Variants in SLIT1 observed in about 807,000 individuals in gnomAD.
SLIT1 encodes slit guidance ligand 1.
In SLIT1, 66 loss-of-function variants were observed where a neutral mutation model predicts 186.1. That is an observed-to-expected ratio of 0.35 (90% CI 0.29 to 0.44). SLIT1 has a LOEUF of 0.44. Ranked by LOEUF, SLIT1 falls within the 20% of genes least tolerant of loss-of-function variation. The pLI is 1.00. For missense variants in SLIT1, 1,638 were observed against 2,037.4 expected (o/e 0.80, Z 3.77); for synonymous variants, 761 against 833.8 (o/e 0.91, Z 1.50).
chr10:97,177,249 CA>C (rs1850268795), intron 1 of SLIT1, among the ~76,000 whole-genome samples: 1 of 152,190 alleles, frequency 6.6e-6, no homozygotes, highest in South Asian at 2.1e-4. Context: ...CCATCTTTTT[CA>C]CATAGATTTT....
chr10:97,173,404 A>T (rs2253228), intron 1 of SLIT1, among the ~76,000 whole-genome samples: 70,743 of 151,880 alleles, frequency 0.47, 17,571 homozygotes, highest in East Asian at 0.58. Flanking sequence ...TGAGTGGCAG[A>T]GCTGGGAAGC....
intron 13 of SLIT1, among the ~76,000 whole-genome samples, chr10:97,053,460 C>T (rs1309762710): frequency 6.6e-6 from 1 of 152,156 alleles, no homozygotes; most frequent in Non-Finnish European, 1.5e-5. Context: ...TTGTGGCTGA[C>T]ATCTCTGGTG....
chr10:97,149,923 T>C (rs1849857659), intron 4 of SLIT1, among the ~76,000 whole-genome samples: 2 of 152,140 alleles, frequency 1.3e-5, no homozygotes, highest in African/African-American at 4.8e-5. Context: ...CACATTAGCG[T>C]GTTAAATGGG....
chr10:97,167,832 C>A (rs1284433643), intron 1 of SLIT1, among the ~76,000 whole-genome samples: 1 of 152,186 alleles, frequency 6.6e-6, no homozygotes, highest in Non-Finnish European at 1.5e-5. Context: ...TTAAAAAGGG[C>A]AGTTCTCCTG....
chr10:97,030,494 G>T (rs187987873), intron 25 of SLIT1, among the ~76,000 whole-genome samples: 238 of 152,304 alleles, frequency 1.6e-3, no homozygotes, highest in Non-Finnish European at 2.5e-3. Context: ...CACATTAGCT[G>T]AGGCAGGCGA....
intron 4 of SLIT1, among the ~76,000 whole-genome samples, chr10:97,141,713 T>C (rs1289673338): frequency 2.4e-5 from 3 of 127,396 alleles, no homozygotes; most frequent in African/African-American, 6.5e-5. Flanking sequence ...TATTGTATTG[T>C]ACTGTATTGT....
intron 13 of SLIT1, 28 bp downstream of exon 13, chr10:97,056,293 G>A (rs758262423): frequency 1.6e-5 from 25 of 1,612,422 alleles, no homozygotes; most frequent in African/African-American, 2.7e-5. Flanking sequence ...GCTGGGAGGG[G>A]AGAAGAAGAA....
chr10:97,044,238 A>G (rs180821312), intron 18 of SLIT1, among the ~76,000 whole-genome samples: 2 of 152,292 alleles, frequency 1.3e-5, no homozygotes, highest in Non-Finnish European at 2.9e-5. Context: ...CTACAAAAAA[A>G]TTTAAAACTT....
At chr10:97,107,301 G>T (rs890679915) in intron 4 of SLIT1, among the ~76,000 whole-genome samples, 7 of 152,194 alleles carry the variant, frequency 4.6e-5, no homozygotes, top group Non-Finnish European at 8.8e-5. Context: ...GTAACGTGTT[G>T]TTATTTTAAC....
At chr10:97,042,802 G>C (rs898171722) in intron 20 of SLIT1, 99 bp downstream of exon 20, 1 of 1,318,368 alleles carries the variant, frequency 7.6e-7, no homozygotes. Context: ...GGGCATGCCA[G>C]GGGGTGCTGC....
At chr10:97,096,668 C>T (rs1838815195) in intron 4 of SLIT1, among the ~76,000 whole-genome samples, 1 of 152,132 alleles carries the variant, frequency 6.6e-6, no homozygotes, top group South Asian at 2.1e-4. Context: ...CACAGCCCAC[C>T]CGCCCCAGCT....
At chr10:97,135,001 T>A (rs1341061198) in intron 4 of SLIT1, among the ~76,000 whole-genome samples, 1 of 152,176 alleles carries the variant, frequency 6.6e-6, no homozygotes, top group Non-Finnish European at 1.5e-5. Flanking sequence ...GACCACAGCC[T>A]TTTTTCTCAC....
chr10:97,098,443 C>T (rs541525514), intron 4 of SLIT1, among the ~76,000 whole-genome samples: 2 of 152,238 alleles, frequency 1.3e-5, no homozygotes, highest in Admixed American at 6.5e-5. Context: ...ACCTGGGAGA[C>T]GTGAGGGCTT....
chr10:97,006,680 T>A lies in SLIT1; in HGVS notation c.3382A>T (p.Lys1128Ter). The part of the protein sequence containing the change: ...CEIPPHLPAP[K>*]SPCEGTECQN... ...CACTCAGTCCCCTCACAGGGGCTCTTGGGGGCAGGCAGATGGGGAGGGATC... is the reference window on the plus strand; with the variant it reads ...CACTCAGTCCCCTCACAGGGGCTCTAGGGGGCAGGCAGATGGGGAGGGATC... The change falls in exon 32 of 37, where the codon AAG becomes TAG. Residue 1128 changes from lysine (K) to a stop codon, truncating the protein, a stop_gained. Coordinates refer to ENST00000266058, the MANE Select transcript of SLIT1 (RefSeq NM_003061.3). LOFTEE classifies it high-confidence loss of function. The surrounding 1 kb of genome is among the most constrained non-coding windows in gnomAD (Gnocchi z 4.0). 6.2e-7 allele frequency: 1 copy of A among 1,613,990 alleles called. No individual in the cohort carries two copies. The highest frequency in any genetic ancestry group is 8.5e-7 in the Non-Finnish European group (1 of 1,179,944).
intron 4 of SLIT1, among the ~76,000 whole-genome samples, chr10:97,112,796 C>A (rs1849476614): frequency 6.6e-6 from 1 of 152,064 alleles, no homozygotes; most frequent in Non-Finnish European, 1.5e-5. Flanking sequence ...TTGGCTCAAG[C>A]AATCTTCCCA....
rs373596371 is a variant in SLIT1, at chr10:97,013,848, G to A, written c.3110-14C>T. 68 of 1,550,270 alleles carry A rather than the reference G, an allele frequency of 4.4e-5. No individual in the cohort carries two copies. Among genetic ancestry groups the A allele is most frequent in the African/African-American group, 3.0e-4 (22 of 73,134 alleles). ...CACAGGCCTTTCCTGGGGAAAGAACGAGCAAGGGGCAGGAGAGAAGCTGCT... is the reference window on the plus strand; with the variant it reads ...CACAGGCCTTTCCTGGGGAAAGAACAAGCAAGGGGCAGGAGAGAAGCTGCT... On this transcript the variant is annotated splice_polypyrimidine_tract_variant and intron_variant, in intron 29 of 36. Coordinates refer to ENST00000266058, the MANE Select transcript of SLIT1 (RefSeq NM_003061.3).
chr10:97,026,746 T>C (rs757246258), intron 25 of SLIT1, among the ~76,000 whole-genome samples: 5 of 152,298 alleles, frequency 3.3e-5, no homozygotes, highest in South Asian at 2.1e-4. Flanking sequence ...GCTGGCTGAA[T>C]GGAAGATGAG....
intron 4 of SLIT1, among the ~76,000 whole-genome samples, chr10:97,129,956 T>C (rs2817708): frequency 0.6 from 90,717 of 151,800 alleles, 28,062 homozygotes; most frequent in Non-Finnish European, 0.68. Flanking sequence ...ACTCACCCGG[T>C]TCTCAGGCCC....
chr10:97,166,567 GA>G (rs1564692729), intron 1 of SLIT1, among the ~76,000 whole-genome samples: 8 of 73,880 alleles, frequency 1.1e-4, no homozygotes, highest in African/African-American at 3.4e-4. Context: ...AAGAGAGAGA[GA>G]GAGAAAGAAA....
Sources: allele counts gnomAD v4.1 joint callset (sites outside exome capture counted in the v4.1 genomes callset), GRCh38; gene constraint gnomAD v4.1.1; non-coding constraint Gnocchi (gnomAD v3.1); transcripts MANE v1.5; gene names NCBI Gene and HGNC (gene_info 2026-07-23, HGNC 2026-07-21).